NKAIN3: variants seen among roughly 807,000 people sequenced by gnomAD.
NKAIN3 encodes the protein sodium/potassium transporting ATPase interacting 3, also known as sodium/potassium-transporting ATPase subunit beta-1-interacting protein 3.
NKAIN3 carries 25 observed loss-of-function variants against 30.2 expected under a neutral mutation model. That is an observed-to-expected ratio of 0.83 (90% CI 0.60 to 1.16). NKAIN3 has a LOEUF of 1.16. Among genes scored for constraint, NKAIN3 ranks in the 50% most tolerant of loss-of-function variants. The probability of loss-of-function intolerance (pLI) is 0.00; values close to 1 mark genes in which losing one functional copy is unlikely to be tolerated. For synonymous variants in NKAIN3, 91 were observed against 89.6 expected, an observed-to-expected ratio of 1.02 and a Z score of -0.09; for missense variants, 225 against 254.1, an observed-to-expected ratio of 0.89 and a Z score of 0.78.
intron 3 of NKAIN3, among the ~76,000 whole-genome samples, chr8:62,668,581 T>C (rs1016398153): frequency 1.3e-5 from 2 of 152,296 alleles, no homozygotes; most frequent in East Asian, 1.9e-4. Flanking sequence ...TTATTCAAGA[T>C]TCCACACTGC....
intron 1 of NKAIN3, among the ~76,000 whole-genome samples, chr8:62,441,682 A>T (rs1421624621): frequency 6.6e-6 from 1 of 152,048 alleles, no homozygotes; most frequent in Non-Finnish European, 1.5e-5. Flanking sequence ...TTTGTAGATG[A>T]ACATATATTG....
At chr8:62,517,375 G>A (rs1457381388) in intron 1 of NKAIN3, among the ~76,000 whole-genome samples, 1 of 151,924 alleles carries the variant, frequency 6.6e-6, no homozygotes, top group Non-Finnish European at 1.5e-5. Flanking sequence ...AACTCTCTAG[G>A]GCAATTGTTC....
Position 62,544,414 on chromosome 8 carries a change from T to C in NKAIN3, c.55-35125T>C, listed in dbSNP as rs554986242. On this transcript the variant is annotated intron_variant, in intron 1 of 6. Coordinates refer to ENST00000623646, the MANE Select transcript of NKAIN3 (RefSeq NM_001304533.3). ...TGATTGCAATAATACATGTTTACTA[T>C]AGAAAATTTGAAAAATACACAACTA... Among the ~76,000 whole-genome samples, 4 of 152,280 alleles carry C rather than the reference T, an allele frequency of 2.6e-5. No homozygotes were observed. The East Asian group carries it at 7.7e-4, about 29-fold the overall frequency.
intron 4 of NKAIN3, among the ~76,000 whole-genome samples, chr8:62,803,760 A>G (rs538422264): frequency 3.3e-5 from 5 of 152,226 alleles, no homozygotes; most frequent in East Asian, 1.9e-4. Flanking sequence ...GAAATAACTA[A>G]AATCAGAGCA....
chr8:62,675,377 C>T (rs1813442365), intron 3 of NKAIN3, among the ~76,000 whole-genome samples: 1 of 152,142 alleles, frequency 6.6e-6, no homozygotes, highest in African/African-American at 2.4e-5. Context: ...TAATTTATTG[C>T]AAATCAAAGT....
At chr8:62,491,959 G>T (rs551666476) in intron 1 of NKAIN3, among the ~76,000 whole-genome samples, 2 of 152,184 alleles carry the variant, frequency 1.3e-5, no homozygotes, top group South Asian at 4.1e-4. Context: ...TTGTTCCTGA[G>T]AGGATAAGTC....
rs565504012 is a variant in NKAIN3 at position 62,981,664 on chromosome 8, C to T, written c.*16257C>T. Reference sequence around the variant, plus strand: ...AAAATGGTATTCTCAGGTGAGCTTACCTTTCAAATTTTTCTGAGACTTCCT... The same window carrying T: ...AAAATGGTATTCTCAGGTGAGCTTATCTTTCAAATTTTTCTGAGACTTCCT... On this transcript the variant is annotated 3_prime_UTR_variant, in exon 7 of 7. Coordinates refer to ENST00000623646, the MANE Select transcript of NKAIN3 (RefSeq NM_001304533.3). 1 of 151,730 alleles carries T rather than the reference C, an allele frequency of 6.6e-6. No homozygotes were observed. Among genetic ancestry groups the T allele is most frequent in the Middle Eastern group, 3.4e-3 (1 of 292 alleles). 9.4% of individuals were successfully genotyped at this position (151,730 alleles called of 1,614,324 possible).
intron 1 of NKAIN3, among the ~76,000 whole-genome samples, chr8:62,388,019 A>G (rs1324919346): frequency 1.3e-5 from 2 of 152,084 alleles, no homozygotes; most frequent in Non-Finnish European, 2.9e-5. Context: ...GGTAAATTTC[A>G]CTCATATGCC....
chr8:62,364,682 A>G (rs1389391091), intron 1 of NKAIN3, among the ~76,000 whole-genome samples: 1 of 151,874 alleles, frequency 6.6e-6, no homozygotes. Context: ...TACTAAAAAC[A>G]CAAAAAATTA....
intron 4 of NKAIN3, among the ~76,000 whole-genome samples, chr8:62,899,263 A>G: frequency 6.6e-6 from 1 of 152,222 alleles, no homozygotes; most frequent in East Asian, 1.9e-4. Flanking sequence ...TTGGTATATC[A>G]TAGAGATATC....
chr8:62,594,325 G>A (rs1469501300), intron 3 of NKAIN3, among the ~76,000 whole-genome samples: 2 of 151,960 alleles, frequency 1.3e-5, no homozygotes. Context: ...CTATGTTTTA[G>A]CAGTCCTTGG....
intron 3 of NKAIN3, among the ~76,000 whole-genome samples, chr8:62,735,374 CTTTCTTTT>C (rs1207733520): frequency 4.0e-4 from 4 of 9,906 alleles, no homozygotes; most frequent in Admixed American, 1.6e-3. Context: ...TTCTTTCTTT[CTTTCTTTT>C]TTTTTTTTTT....
At chr8:62,687,181 C>T (rs953525655) in intron 3 of NKAIN3, among the ~76,000 whole-genome samples, 11 of 152,186 alleles carry the variant, frequency 7.2e-5, no homozygotes, top group African/African-American at 2.7e-4. Context: ...TTGTTCAGGA[C>T]ACAAATTAAA....
chr8:62,594,494 C>G (rs555902660), intron 3 of NKAIN3, among the ~76,000 whole-genome samples: 1 of 151,982 alleles, frequency 6.6e-6, no homozygotes, highest in African/African-American at 2.4e-5. Context: ...TCAGCTCTAC[C>G]TTTTTGTTTC....
At chr8:62,787,877 G>T (rs1021241080) in intron 4 of NKAIN3, among the ~76,000 whole-genome samples, 2 of 152,090 alleles carry the variant, frequency 1.3e-5, no homozygotes, top group African/African-American at 4.8e-5. Context: ...TTTTATGGCT[G>T]CCTAGTATTC....
At chr8:62,763,418 TAAAAC>T (rs1359383786) in intron 4 of NKAIN3, among the ~76,000 whole-genome samples, 1 of 151,978 alleles carries the variant, frequency 6.6e-6, no homozygotes. Context: ...TGACTAAAAA[TAAAAC>T]TGCTAACAAG....
chr8:62,803,787 C>T (rs891005844), intron 4 of NKAIN3, among the ~76,000 whole-genome samples: 8 of 152,012 alleles, frequency 5.3e-5, no homozygotes, highest in Admixed American at 2.0e-4. Context: ...AAGGAAATAG[C>T]AACACAAAAA....
intron 1 of NKAIN3, among the ~76,000 whole-genome samples, chr8:62,369,808 C>A (rs1816852708): frequency 6.6e-6 from 1 of 151,640 alleles, no homozygotes; most frequent in South Asian, 2.1e-4. Context: ...ACAGATAGAG[C>A]CTTCCAGGTT....
intron 4 of NKAIN3, among the ~76,000 whole-genome samples, chr8:62,759,613 A>C (rs922849803): frequency 6.6e-6 from 1 of 152,172 alleles, no homozygotes; most frequent in South Asian, 2.1e-4. Flanking sequence ...AAAAATCCCA[A>C]AGATAATACT....
Sources: allele counts gnomAD v4.1 joint callset (sites outside exome capture counted in the v4.1 genomes callset), GRCh38; gene constraint gnomAD v4.1.1; transcripts MANE v1.5; gene names NCBI Gene and HGNC (gene_info 2026-07-23, HGNC 2026-07-21).